Variants in TIAM1 observed in about 807,000 individuals in gnomAD.
TIAM1 encodes rho guanine nucleotide exchange factor TIAM1.
TIAM1 carries 65 observed loss-of-function variants against 163.5 expected under a neutral mutation model. The ratio of observed to expected loss-of-function variants is 0.40; its 90% CI spans 0.33 to 0.49. TIAM1 has a LOEUF of 0.49. Ranked by LOEUF, TIAM1 falls within the 20% of genes least tolerant of loss-of-function variation. The pLI is 0.77. For missense variants in TIAM1, 1,789 were observed against 2,044.7 expected (o/e 0.87, Z 2.41); for synonymous variants, 833 against 810.1 (o/e 1.03, Z -0.48).
chr21:31,549,794 T>C (rs1898314751), intron 1 of TIAM1, among the ~76,000 whole-genome samples: 1 of 152,200 alleles, frequency 6.6e-6, no homozygotes. Context: ...ACGTATGACG[T>C]AGCAACTCCA....
intron 12 of TIAM1, among the ~76,000 whole-genome samples, chr21:31,196,492 TGTA>T (rs2085866611): frequency 1.3e-5 from 2 of 150,086 alleles, no homozygotes; most frequent in East Asian, 2.0e-4. Context: ...TTTTTTTTTT[TGTA>T]TTTTTAGTGG....
At chr21:31,196,416 A>G (rs1317088362) in intron 12 of TIAM1, among the ~76,000 whole-genome samples, 1 of 151,438 alleles carries the variant, frequency 6.6e-6, no homozygotes, top group Non-Finnish European at 1.5e-5. Context: ...GGTTCAAGCA[A>G]TTCTCCTGCC....
At chr21:31,364,060 A>C (rs1269825160) in intron 2 of TIAM1, among the ~76,000 whole-genome samples, 3 of 152,182 alleles carry the variant, frequency 2.0e-5, no homozygotes, top group Non-Finnish European at 4.4e-5. Flanking sequence ...ACTTGCATTG[A>C]ACTTATACAT....
chr21:31,400,919 C>T (rs1197468332), intron 2 of TIAM1, among the ~76,000 whole-genome samples: 1 of 151,944 alleles, frequency 6.6e-6, no homozygotes, highest in Non-Finnish European at 1.5e-5. Context: ...GGAGAAACCC[C>T]GGCTCTACTA....
At chr21:31,466,161 A>G (rs748292262) in intron 1 of TIAM1, among the ~76,000 whole-genome samples, 7 of 152,208 alleles carry the variant, frequency 4.6e-5, no homozygotes, top group Non-Finnish European at 7.3e-5. Context: ...TTACAACAAC[A>G]GGTGTCAAGG....
At chr21:31,407,792 C>T (rs1203500702) in intron 2 of TIAM1, among the ~76,000 whole-genome samples, 6 of 151,892 alleles carry the variant, frequency 4.0e-5, no homozygotes, top group South Asian at 2.1e-4. Flanking sequence ...CCCGCCACCA[C>T]GCCTGGGTAA....
At chr21:31,156,715 T>A (rs954537872) in intron 16 of TIAM1, among the ~76,000 whole-genome samples, 1 of 152,142 alleles carries the variant, frequency 6.6e-6, no homozygotes, top group African/African-American at 2.4e-5. Context: ...AACACAGTCA[T>A]AATGAGAAAG....
At chr21:31,239,201 C>T (rs190984440) in intron 6 of TIAM1, among the ~76,000 whole-genome samples, 9 of 152,140 alleles carry the variant, frequency 5.9e-5, no homozygotes, top group African/African-American at 2.2e-4. Context: ...CGGCTCACTG[C>T]AGCCTTGACC....
In TIAM1 at chr21:31,120,841, C is replaced by T. The variant is rs1568858718; in HGVS notation, c.4307-4G>A. 1 of 1,582,506 alleles carries T rather than the reference C, an allele frequency of 6.3e-7. No homozygotes were observed. On this transcript the variant is annotated splice_polypyrimidine_tract_variant and splice_region_variant and intron_variant, in intron 27 of 27. Transcript: ENST00000541036. This position sits in a 1 kb window ranked among gnomAD's most constrained non-coding sequence, Gnocchi z 4.2. ...AGAGACTTGCTTGGGGCAGACACTG[C>T]ACACACACACAAAAATATAAAAATA... is the stretch of plus-strand genomic sequence containing the variant.
At chr21:31,533,664 T>C (rs2048037946) in intron 1 of TIAM1, among the ~76,000 whole-genome samples, 1 of 152,006 alleles carries the variant, frequency 6.6e-6, no homozygotes, top group African/African-American at 2.4e-5. Flanking sequence ...GCCCAGAAGT[T>C]TGAGGCTGCA....
Position 31,369,447 on chromosome 21 carries a change from G to C in TIAM1, c.-368-30025C>G, listed in dbSNP as rs2076558283. 2.6e-5 allele frequency among the ~76,000 whole-genome samples: 4 copies of C among 152,082 alleles called. No homozygotes were observed. The South Asian group carries it at 8.3e-4, about 32-fold the overall frequency. On this transcript the variant is annotated intron_variant, in intron 2 of 28. Transcript: ENST00000286827. ...GAGGATAAGGAAAGGTTGCTTAACA[G>C]ATACCAAATTACAGCTAAATGGCAG...
intron 2 of TIAM1, among the ~76,000 whole-genome samples, chr21:31,332,299 A>G (rs1384443176): frequency 6.6e-6 from 1 of 152,236 alleles, no homozygotes; most frequent in Non-Finnish European, 1.5e-5. Context: ...TCAAGCTAAA[A>G]GTTGAGTCTT....
intron 19 of TIAM1, among the ~76,000 whole-genome samples, chr21:31,148,913 T>G (rs2146304781): frequency 6.6e-6 from 1 of 152,268 alleles, no homozygotes; most frequent in East Asian, 1.9e-4. Context: ...ACCTTGAGAC[T>G]AGTGCTCTAT....
chr21:31,400,409 C>T (rs1461807509), intron 2 of TIAM1, among the ~76,000 whole-genome samples: 1 of 152,160 alleles, frequency 6.6e-6, no homozygotes, highest in Admixed American at 6.5e-5. Context: ...GGATTGCAGG[C>T]ATGAGCCACC....
chr21:31,381,660 T>C (rs573956193), intron 2 of TIAM1, among the ~76,000 whole-genome samples: 1 of 152,068 alleles, frequency 6.6e-6, no homozygotes, highest in East Asian at 1.9e-4. Flanking sequence ...AGAGTGAGAC[T>C]CTGTCTCAAA....
intron 2 of TIAM1, among the ~76,000 whole-genome samples, chr21:31,296,702 C>T (rs1337279161): frequency 6.6e-6 from 1 of 151,806 alleles, no homozygotes; most frequent in Non-Finnish European, 1.5e-5. Context: ...CTCGCTCTGT[C>T]ACCCAGGCTG....
At chr21:31,465,408 C>A (rs1171854321) in intron 1 of TIAM1, among the ~76,000 whole-genome samples, 6 of 151,582 alleles carry the variant, frequency 4.0e-5, no homozygotes, top group African/African-American at 1.2e-4. Context: ...CTAATATATT[C>A]TCTTAATAAG....
intron 2 of TIAM1, among the ~76,000 whole-genome samples, chr21:31,322,046 C>A (rs542864089): frequency 7.4e-4 from 113 of 151,860 alleles, no homozygotes; most frequent in African/African-American, 2.7e-3. Flanking sequence ...AACAAACAAA[C>A]AAACAAAAAA....
In TIAM1 at chr21:31,217,637, C is replaced by T. The variant is rs141214847; in HGVS notation, c.2058G>A (p.Ala686=). The T allele has an allele frequency of 3.5e-5, 56 of 1,613,976 alleles. No individual in the cohort carries two copies. Among genetic ancestry groups the T allele is most frequent in the Middle Eastern group, 3.3e-4 (2 of 6,084 alleles). The change falls in exon 9 of 28, where the codon GCG becomes GCA. Residue 686 remains alanine, a synonymous_variant. Coordinates refer to ENST00000541036, the MANE Select transcript of TIAM1 (RefSeq NM_001353694.2). ...RRRTQAMSRS[A]SKRRSRFSSL... is the part of the protein sequence containing the mutation. ...AAGAAAACCTGCTCCTTCGCTTGCT[C>T]GCGGATCTGGACATGGCCTGAGTAC...
Sources: allele counts gnomAD v4.1 joint callset (sites outside exome capture counted in the v4.1 genomes callset), GRCh38; gene constraint gnomAD v4.1.1; non-coding constraint Gnocchi (gnomAD v3.1); transcripts MANE v1.5; gene names NCBI Gene and HGNC (gene_info 2026-07-23, HGNC 2026-07-21).